TNKS2: variants seen among roughly 807,000 people sequenced by gnomAD.
TNKS2 encodes the protein poly [ADP-ribose] polymerase tankyrase-2.
A neutral mutation model predicts 137.6 loss-of-function variants in TNKS2; 72 were observed. That is an observed-to-expected ratio of 0.52 (90% CI 0.43 to 0.64). The LOEUF is 0.64. Among genes scored for constraint, TNKS2 ranks in the 30% least tolerant of loss-of-function variants. The pLI, the probability that TNKS2 is intolerant of heterozygous loss-of-function variation, is 0.00. For synonymous variants in TNKS2, 516 were observed against 512.1 expected (o/e 1.01, Z -0.10); for missense variants, 1,049 against 1,410.2 (o/e 0.74, Z 4.10).
intron 2 of TNKS2, among the ~76,000 whole-genome samples, chr10:91,816,537 G>T (rs922722254): frequency 1.3e-5 from 2 of 152,088 alleles, no homozygotes; most frequent in African/African-American, 4.8e-5. Context: ...TATCAATAGT[G>T]GACAAATACA....
rs149184100 is a variant in TNKS2, at chr10:91,798,498, G to T, written c.-193G>T. On this transcript the variant is annotated 5_prime_UTR_variant, in exon 1 of 27. Transcript: ENST00000371627. ...TGCCTCCGCCGCCGCGGGGCAGCCGGGGGGCAGGGAGCCCAGCGAGGGGCG... is the reference window on the plus strand; with the variant it reads ...TGCCTCCGCCGCCGCGGGGCAGCCGTGGGGCAGGGAGCCCAGCGAGGGGCG... 2 of 532,554 alleles carry T rather than the reference G, an allele frequency of 3.8e-6. No individual in the cohort carries two copies. Among genetic ancestry groups the T allele is most frequent in the African/African-American group, 2.0e-5 (1 of 50,086 alleles). 33.0% of individuals were successfully genotyped at this position (532,554 alleles called of 1,614,324 possible). A position where few individuals can be genotyped will look rare whatever the true frequency, so the allele number is the denominator to read the frequency against.
At chr10:91,810,920 CTTTTT>C (rs35240102) in intron 1 of TNKS2, among the ~76,000 whole-genome samples, 297 of 50,088 alleles carry the variant, frequency 5.9e-3, no homozygotes, top group African/African-American at 0.026. Context: ...CTTTTCTTTT[CTTTTT>C]TTTTTTTTTT....
chr10:91,819,677 G>A, intron 5 of TNKS2, 120 bp downstream of exon 5: 1 of 838,652 alleles, frequency 1.2e-6, no homozygotes, highest in Non-Finnish European at 1.8e-6. Flanking sequence ...AAGTGTTTCA[G>A]TATTTTCAGT....
At chr10:91,851,075 T>C (rs974863433) in intron 20 of TNKS2, 141 bp from the exon 21 acceptor site, 41 of 1,147,682 alleles carry the variant, frequency 3.6e-5, no homozygotes, top group East Asian at 3.3e-4. Context: ...CAGGTTCTTA[T>C]GCTAAATGGA....
At chr10:91,813,951 A>G (rs1844589802) in intron 2 of TNKS2, among the ~76,000 whole-genome samples, 2 of 152,220 alleles carry the variant, frequency 1.3e-5, no homozygotes, top group African/African-American at 4.8e-5. Context: ...TGTACACTAC[A>G]TGATACTTGA....
chr10:91,813,266 GA>G, intron 2 of TNKS2, 59 bp downstream of exon 2: 19 of 1,378,858 alleles, frequency 1.4e-5, no homozygotes, highest in Non-Finnish European at 1.8e-5. Context: ...AATCTGAACT[GA>G]ATTAATCTGT....
intron 23 of TNKS2, 113 bp from the exon 24 acceptor site, chr10:91,857,312 C>T (rs781276943): frequency 7.8e-6 from 4 of 511,788 alleles, no homozygotes; most frequent in Non-Finnish European, 1.4e-5. Flanking sequence ...TTTTATATTT[C>T]AGAGTACAGT....
At chr10:91,860,619 T>C (rs138013614) in intron 25 of TNKS2, among the ~76,000 whole-genome samples, 1 of 152,336 alleles carries the variant, frequency 6.6e-6, no homozygotes, top group Non-Finnish European at 1.5e-5. Flanking sequence ...ACAGAATCTC[T>C]TTTAATTGGT....
intron 21 of TNKS2, among the ~76,000 whole-genome samples, chr10:91,853,784 T>TG (rs1359134878): frequency 2.0e-5 from 3 of 152,216 alleles, no homozygotes; most frequent in African/African-American, 4.8e-5. Flanking sequence ...ATTGGCATGT[T>TG]GGTAGTAGTC....
At chr10:91,821,530 A>G (rs1399801704) in intron 6 of TNKS2, among the ~76,000 whole-genome samples, 1 of 152,174 alleles carries the variant, frequency 6.6e-6, no homozygotes, top group Non-Finnish European at 1.5e-5. Flanking sequence ...GTTTGGCATG[A>G]TGGTGGCTAT....
rs1844816950 is a variant in TNKS2, at chr10:91,819,468, T to C, written c.558-14T>C. On this transcript the variant is annotated splice_polypyrimidine_tract_variant and intron_variant, in intron 4 of 26. Coordinates refer to ENST00000371627, the MANE Select transcript of TNKS2 (RefSeq NM_025235.4). ...TGAAGAATGCAAATTACTAATACTT[T>C]TTTTGTATTCTAGGAGTGGCAATGA... 1.3e-6 allele frequency: 2 copies of C among 1,566,970 alleles called. No individual in the cohort carries two copies. The highest frequency in any genetic ancestry group is 1.7e-6 in the Non-Finnish European group (2 of 1,162,002).
At chr10:91,840,907 A>G (rs1195723339) in intron 14 of TNKS2, among the ~76,000 whole-genome samples, 1 of 152,242 alleles carries the variant, frequency 6.6e-6, no homozygotes, top group Non-Finnish European at 1.5e-5. Context: ...ATAATGCCTG[A>G]GAATTTTATA....
At chr10:91,809,697 A>G (rs1028843233) in intron 1 of TNKS2, among the ~76,000 whole-genome samples, 2 of 151,906 alleles carry the variant, frequency 1.3e-5, no homozygotes, top group Non-Finnish European at 2.9e-5. Flanking sequence ...AGCCCTTATC[A>G]TCTGTCACCT....
chr10:91,829,259 C>G (rs1308248410), intron 9 of TNKS2, among the ~76,000 whole-genome samples: 3 of 139,290 alleles, frequency 2.2e-5, no homozygotes, highest in Admixed American at 1.5e-4. Flanking sequence ...GACCTTTTTA[C>G]TGCTTGTAAG....
chr10:91,801,537 G>A (rs1231266591), intron 1 of TNKS2, among the ~76,000 whole-genome samples: 6 of 151,550 alleles, frequency 4.0e-5, no homozygotes, highest in Admixed American at 6.6e-5. Flanking sequence ...GCAGCGTCAC[G>A]ATCTCAGCTC....
intron 17 of TNKS2, among the ~76,000 whole-genome samples, chr10:91,845,370 TATC>T (rs1161562905): frequency 6.6e-6 from 1 of 152,240 alleles, no homozygotes; most frequent in East Asian, 1.9e-4. Flanking sequence ...GTTCCTGACT[TATC>T]ATAGTCCAAT....
chr10:91,813,083 T>C lies in TNKS2; in HGVS notation c.300T>C (p.Ser100=). Residue 100 remains serine, a synonymous_variant, in exon 2 of 27, where the codon TCT becomes TCC. Coordinates refer to ENST00000371627, the MANE Select transcript of TNKS2 (RefSeq NM_025235.4). ...GGLIPLHNAC[S]FGHAEVVNLL... ...TTATTCCTCTTCATAATGCATGCTC[T>C]TTTGGTCATGCTGAAGTAGTCAATC... 6.2e-7 allele frequency: 1 copy of C among 1,614,152 alleles called. No individual in the cohort carries two copies. The highest frequency in any genetic ancestry group is 8.5e-7 in the Non-Finnish European group (1 of 1,180,000).
intron 20 of TNKS2, among the ~76,000 whole-genome samples, chr10:91,849,985 C>T (rs1290498991): frequency 6.6e-6 from 1 of 152,184 alleles, no homozygotes; most frequent in Non-Finnish European, 1.5e-5. Context: ...TGTCAGAATA[C>T]ATTTACTGAT....
Position 91,851,244 on chromosome 10 carries a change from G to A in TNKS2, c.2723G>A (p.Gly908Glu), listed in dbSNP as rs748167987. 1.2e-6 allele frequency: 2 copies of A among 1,613,588 alleles called. No homozygotes were observed. The highest frequency in any genetic ancestry group is 2.2e-5 in the South Asian group (2 of 90,956). ...QITLDVLVEM[G>E]HKELKEIGIN... is the part of the protein sequence containing the mutation. The stretch of plus-strand genomic sequence containing the variant: ...ACTTTGGATGTATTAGTTGAGATGG[G>A]GCACAAGGAGCTGAAGGAGATTGGA... Residue 908 changes from glycine to glutamate, a missense_variant, in exon 21 of 27, where the codon GGG becomes GAG. By Grantham distance (98) the Gly-to-Glu change is moderately conservative. Coordinates refer to ENST00000371627, the MANE Select transcript of TNKS2 (RefSeq NM_025235.4).
Sources: allele counts gnomAD v4.1 joint callset (sites outside exome capture counted in the v4.1 genomes callset), GRCh38; gene constraint gnomAD v4.1.1; transcripts MANE v1.5; gene names NCBI Gene and HGNC (gene_info 2026-07-23, HGNC 2026-07-21).